ANKRD6: variants seen among roughly 807,000 people sequenced by gnomAD.
The protein encoded by ANKRD6 is ankyrin repeat domain 6, also known as ankyrin repeat domain-containing protein 6.
In ANKRD6, 56 loss-of-function variants were observed where a neutral mutation model predicts 82.3. That is an observed-to-expected ratio of 0.68 (90% CI 0.55 to 0.85). The LOEUF (loss-of-function observed/expected upper bound fraction) is 0.85, where lower values mean the gene tolerates loss of function less well. Ranked by LOEUF, ANKRD6 falls within the 40% of genes least tolerant of loss-of-function variation. ANKRD6 has a pLI of 0.00. For synonymous variants in ANKRD6, 347 were observed against 352.1 expected (o/e 0.99, Z 0.16); for missense variants, 852 against 907.6 (o/e 0.94, Z 0.79).
intron 1 of ANKRD6, among the ~76,000 whole-genome samples, chr6:89,451,223 T>C (rs1403787451): frequency 6.6e-6 from 1 of 152,142 alleles, no homozygotes; most frequent in African/African-American, 2.4e-5. Flanking sequence ...ATGGGAGGAC[T>C]GCTTGAGCCT....
intron 1 of ANKRD6, among the ~76,000 whole-genome samples, chr6:89,489,111 A>G (rs577705241): frequency 1.3e-5 from 2 of 152,222 alleles, no homozygotes; most frequent in Non-Finnish European, 2.9e-5. Flanking sequence ...CAGGCTGTAC[A>G]TGTCCAGGGC....
intron 7 of ANKRD6, among the ~76,000 whole-genome samples, chr6:89,615,379 C>T (rs1351689736): frequency 6.6e-6 from 1 of 152,168 alleles, no homozygotes; most frequent in African/African-American, 2.4e-5. Context: ...AATCAAGTAG[C>T]ACGGCCTCCC....
intron 5 of ANKRD6, among the ~76,000 whole-genome samples, chr6:89,607,655 CTTT>C (rs10598205): frequency 5.2e-5 from 7 of 135,848 alleles, no homozygotes; most frequent in African/African-American, 5.4e-5. Context: ...GGAGAAGAGA[CTTT>C]TTTTTTTTTT....
chr6:89,516,355 A>G (rs990653845), intron 1 of ANKRD6, among the ~76,000 whole-genome samples: 1 of 152,190 alleles, frequency 6.6e-6, no homozygotes, highest in East Asian at 1.9e-4. Flanking sequence ...ACTTACAACC[A>G]TCAGGGATCC....
At position 89,551,408 on chromosome 6, in the gene ANKRD6, G is replaced by A. The variant is rs1188820436; in HGVS notation, c.-143-15426G>A. Among the ~76,000 whole-genome samples, 4 of 152,178 alleles carry A rather than the reference G, an allele frequency of 2.6e-5. No homozygotes were observed. The East Asian group carries it at 7.7e-4, about 29-fold the overall frequency. On this transcript the variant is annotated intron_variant, in intron 1 of 15. Coordinates refer to ENST00000339746, the MANE Select transcript of ANKRD6 (RefSeq NM_001242809.2). ...ATATAAATTATCCAAGAGGCGATCT[G>A]GCTGAGGCTGGGGAATGTGCAGGAC...
At chr6:89,539,899 C>T (rs886138635) in intron 1 of ANKRD6, among the ~76,000 whole-genome samples, 1 of 150,488 alleles carries the variant, frequency 6.6e-6, no homozygotes, top group Non-Finnish European at 1.5e-5. Flanking sequence ...GATGTTTTTG[C>T]GATGTTTGTC....
At chr6:89,483,277 T>C (rs1777000364) in intron 1 of ANKRD6, 1 of 152,270 alleles carries the variant, frequency 6.6e-6, no homozygotes. Context: ...GTTTGCCAAA[T>C]GCATGCTGGC....
chr6:89,523,164 A>C (rs1438933708), intron 1 of ANKRD6, among the ~76,000 whole-genome samples: 2 of 152,186 alleles, frequency 1.3e-5, no homozygotes, highest in African/African-American at 4.8e-5. Context: ...GCCTCAGAAA[A>C]GGGTGTTTAA....
chr6:89,502,565 A>C (rs995034388), intron 1 of ANKRD6, among the ~76,000 whole-genome samples: 17 of 152,210 alleles, frequency 1.1e-4, no homozygotes, highest in Non-Finnish European at 1.9e-4. Flanking sequence ...ATCTACTAAA[A>C]GCTTACAGCC....
intron 1 of ANKRD6, among the ~76,000 whole-genome samples, chr6:89,443,470 ATTATT>A (rs781149814): frequency 6.6e-6 from 1 of 151,978 alleles, no homozygotes; most frequent in Non-Finnish European, 1.5e-5. Context: ...TGGTCCACAA[ATTATT>A]TTATTTTTTG....
chr6:89,436,744 C>T (rs973064620), intron 1 of ANKRD6, among the ~76,000 whole-genome samples: 2 of 152,138 alleles, frequency 1.3e-5, no homozygotes, highest in Admixed American at 6.6e-5. Context: ...AGTTTTTAAA[C>T]GTTTTTTAAA....
rs538634830 is a variant in ANKRD6, at chr6:89,601,350, A to AC, written c.220-1672dup. 5.3e-5 allele frequency among the ~76,000 whole-genome samples: 8 copies of AC among 151,742 alleles called. No individual in the cohort carries two copies. The South Asian group carries it at 6.3e-4, about 12-fold the overall frequency. ...ACAGTGATCTGTCCTCAGTGTCCTG[A>AC]CCCCCCCTCACTGCAGAAATTCCTT... On this transcript the variant is annotated intron_variant, in intron 3 of 15. Transcript: ENST00000339746.
chr6:89,566,277 C>T (rs550135814), intron 1 of ANKRD6, among the ~76,000 whole-genome samples: 1 of 152,346 alleles, frequency 6.6e-6, no homozygotes, highest in South Asian at 2.1e-4. Context: ...TTCCAGAACT[C>T]GTGAACTACA....
At chr6:89,509,916 G>T (rs891575239) in intron 1 of ANKRD6, among the ~76,000 whole-genome samples, 2 of 152,164 alleles carry the variant, frequency 1.3e-5, no homozygotes, top group African/African-American at 2.4e-5. Flanking sequence ...TACCTTAATC[G>T]CCAGTGCAAA....
chr6:89,619,327 A>G (rs1802409293), intron 9 of ANKRD6, among the ~76,000 whole-genome samples: 1 of 152,232 alleles, frequency 6.6e-6, no homozygotes, highest in African/African-American at 2.4e-5. Flanking sequence ...TATAAACGTC[A>G]GAACCCATCA....
chr6:89,610,758 T>A (rs2128213136), intron 5 of ANKRD6, among the ~76,000 whole-genome samples: 1 of 146,196 alleles, frequency 6.8e-6, no homozygotes, highest in African/African-American at 2.6e-5. Context: ...CATTAGACCC[T>A]CCTGGGGAAC....
intron 14 of ANKRD6, among the ~76,000 whole-genome samples, chr6:89,628,552 GA>G (rs1214264728): frequency 1.3e-5 from 2 of 152,112 alleles, no homozygotes; most frequent in African/African-American, 4.8e-5. Context: ...GGCGGATCAC[GA>G]GGTCAGGAGA....
intron 1 of ANKRD6, among the ~76,000 whole-genome samples, chr6:89,529,560 C>T (rs1352645904): frequency 1.3e-5 from 2 of 152,226 alleles, no homozygotes. Flanking sequence ...CAGCACTTTT[C>T]GTTTCCTTTA....
At chr6:89,579,142 T>A (rs1791851859) in intron 2 of ANKRD6, among the ~76,000 whole-genome samples, 1 of 152,256 alleles carries the variant, frequency 6.6e-6, no homozygotes, top group Non-Finnish European at 1.5e-5. Context: ...CCAGGTGCTC[T>A]GTTTCAAATG....
Sources: gnomAD v4.1 joint callset for allele counts (sites outside exome capture counted in the v4.1 genomes callset) on GRCh38, gnomAD v4.1.1 for gene constraint, MANE v1.5 for transcripts, NCBI Gene and HGNC (gene_info 2026-07-23, HGNC 2026-07-21) for gene names.